The following ZMYND10 variants were observed in gnomAD, a reference collection of about 807,000 sequenced individuals.
The protein encoded by ZMYND10 is zinc finger MYND-type containing 10, also known as zinc finger MYND domain-containing protein 10.
In ZMYND10, 52 loss-of-function variants were observed where a neutral mutation model predicts 62.6. The ratio of observed to expected loss-of-function variants is 0.83; its 90% confidence interval spans 0.67 to 1.05. The LOEUF (loss-of-function observed/expected upper bound fraction) is 1.05, where lower values mean the gene tolerates loss of function less well. Among genes scored for constraint, ZMYND10 ranks in the 50% least tolerant of loss-of-function variants. ZMYND10 has a pLI of 0.00. For missense variants in ZMYND10, 438 were observed against 543.3 expected (o/e 0.81, Z 1.93); for synonymous variants, 197 against 218.5 (o/e 0.90, Z 0.87).
rs1235346764 is a variant in ZMYND10, at chr3:50,343,726, C to T, written c.318+8G>A. 5 of 1,613,968 alleles carry T rather than the reference C, an allele frequency of 3.1e-6. No homozygotes were observed. Among genetic ancestry groups the T allele is most frequent in the African/African-American group, 2.7e-5 (2 of 74,908 alleles). On this transcript the variant is annotated splice_region_variant and intron_variant, in intron 3 of 11. Coordinates refer to ENST00000231749, the MANE Select transcript of ZMYND10 (RefSeq NM_015896.4). ...TGAGAAGAGGTATGAACCAGGGGCCCAGCTCACCACCATGTAGATGGGGAA... is the reference window on the plus strand; with the variant it reads ...TGAGAAGAGGTATGAACCAGGGGCCTAGCTCACCACCATGTAGATGGGGAA...
At chr3:50,344,981 G>C (rs961851971) in intron 2 of ZMYND10, 143 bp downstream of exon 2, 2 of 694,050 alleles carry the variant, frequency 2.9e-6, no homozygotes, top group African/African-American at 3.6e-5. Flanking sequence ...GATACAAAAT[G>C]AAACATGTAA....
rs1255342959 is a variant in ZMYND10 at position 50,341,696 on chromosome 3, C to T, written c.1125G>A (p.Trp375Ter). ...EQDLRLQARRWAETYRLDVLE... is the reference protein window; with the variant it reads ...EQDLRLQARR Reference sequence around the variant, plus strand: ...GCACATCCAGCCTGTAGGTCTCAGCCCACCTGGGGGAAAGTCAGGAAGGTC... The same window carrying T: ...GCACATCCAGCCTGTAGGTCTCAGCTCACCTGGGGGAAAGTCAGGAAGGTC... Residue 375 changes from tryptophan (W) to a stop codon, truncating the protein, a stop_gained, in exon 11 of 12, where the codon TGG becomes TGA. Coordinates refer to ENST00000231749, the MANE Select transcript of ZMYND10 (RefSeq NM_015896.4). LOFTEE classifies it high-confidence loss of function. 6.2e-7 allele frequency: 1 copy of T among 1,614,140 alleles called. No homozygotes were observed. Among genetic ancestry groups the T allele is most frequent in the South Asian group, 1.1e-5 (1 of 91,088 alleles).
chr3:50,345,000 T>A (rs1375450648), intron 2 of ZMYND10, 124 bp downstream of exon 2: 17 of 759,476 alleles, frequency 2.2e-5, no homozygotes, highest in Non-Finnish European at 3.3e-5. Context: ...AACACATTCC[T>A]CTTTGTCCTT....
In ZMYND10 at chr3:50,343,672, C is replaced by A. The variant is rs1703455446; in HGVS notation, c.319-56G>T. On this transcript the variant is annotated intron_variant, in intron 3 of 11. Transcript: ENST00000231749. ...GGAAGGGATAGGGGCTACCAGCTCT[C>A]CTCCCCGGTCCAGAGCCCTCTGAAG... The A allele has an allele frequency of 3.1e-6, 5 of 1,613,734 alleles. No homozygotes were observed. In the Admixed American group the frequency reaches 6.7e-5, roughly 22 times the overall value.
Position 50,342,513 on chromosome 3 carries a change from G to C in ZMYND10, c.757C>G (p.Gln253Glu), listed in dbSNP as rs1189361423. 1 of 1,614,060 alleles carries C rather than the reference G, an allele frequency of 6.2e-7. No homozygotes were observed. Among genetic ancestry groups the C allele is most frequent in the Non-Finnish European group, 8.5e-7 (1 of 1,179,976 alleles). ...TGCCCGTCCAACTTGCTCAGCTTTT[G>C]CTGCTCTGAGGGGGCCACAGTATGC... Reference protein sequence around the residue: ...RWHTVAPSEQQKLSKLDGQVW... With the variant: ...RWHTVAPSEQEKLSKLDGQVW... The change falls in exon 8 of 12, where the codon CAA becomes GAA. Residue 253 changes from glutamine to glutamate, a missense_variant. Coordinates refer to ENST00000231749, the MANE Select transcript of ZMYND10 (RefSeq NM_015896.4).
At position 50,345,259 on chromosome 3, in the gene ZMYND10, G is replaced by T; in HGVS notation, c.93-27C>A. On this transcript the variant is annotated intron_variant, in intron 1 of 11. Transcript: ENST00000231749. This position sits in a 1 kb window ranked among gnomAD's most constrained non-coding sequence, Gnocchi z 5.0. ...TGCCTCAGAGGGTAAGTGCATGTGC[G>T]TCCACGTGTGTGCATTAGGAGTGGG... The T allele has an allele frequency of 6.2e-7, 1 of 1,605,030 alleles. No homozygotes were observed. The highest frequency in any genetic ancestry group is 8.5e-7 in the Non-Finnish European group (1 of 1,174,734).
rs768186112 is a variant in ZMYND10, at chr3:50,341,784, C to T, written c.1121+26G>A. On this transcript the variant is annotated intron_variant, in intron 10 of 11. Transcript: ENST00000231749. The stretch of plus-strand genomic sequence containing the variant: ...CCATGCCTCCTGCATCCCCTCCACC[C>T]TCCCTGCCATTTCCACAGGCCTTAC... 10 of 1,612,344 alleles carry T rather than the reference C, an allele frequency of 6.2e-6. No individual in the cohort carries two copies. In the African/African-American group the frequency reaches 1.2e-4, roughly 19 times the overall value.
In ZMYND10 at chr3:50,342,568, G is replaced by A; in HGVS notation, c.702C>T (p.Gly234=). 6.2e-7 allele frequency: 1 copy of A among 1,611,618 alleles called. No individual in the cohort carries two copies. The highest frequency in any genetic ancestry group is 8.5e-7 in the Non-Finnish European group (1 of 1,178,142). Residue 234 remains glycine (G), a splice_region_variant and synonymous_variant, in exon 8 of 12, where the codon GGC becomes GGT. Transcript: ENST00000231749. Reference sequence around the variant, plus strand: ...GGCTGCCCTCGAACTGCTGCAGCTTGCCTGGGGAGAGGAACCAGCACACTG... The same window carrying A: ...GGCTGCCCTCGAACTGCTGCAGCTTACCTGGGGAGAGGAACCAGCACACTG... The part of the protein sequence containing the change: ...EHSPWSRREG[G]KLQQFEGSRW...
rs963099234 is a variant in ZMYND10 at position 50,341,354 on chromosome 3, T to C, written c.*56A>G. The C allele has an allele frequency of 6.3e-6, 10 of 1,598,876 alleles. No homozygotes were observed. Among genetic ancestry groups the C allele is most frequent in the Non-Finnish European group, 8.5e-7 (1 of 1,170,302 alleles). On this transcript the variant is annotated 3_prime_UTR_variant, in exon 12 of 12. Transcript: ENST00000231749. ...GGACCGTGATCTTGAGGTTCAGGGG[T>C]GCATTCTGGGTGGATTCCCTTGGCA...
chr3:50,342,514 C>A lies in ZMYND10; in HGVS notation c.756G>T (p.Gln252His). 1 of 1,614,144 alleles carries A rather than the reference C, an allele frequency of 6.2e-7. No individual in the cohort carries two copies. The highest frequency in any genetic ancestry group is 1.1e-5 in the South Asian group (1 of 91,084). The change falls in exon 8 of 12, where the codon CAG (glutamine) becomes CAT (histidine). Residue 252 changes from glutamine to histidine, a missense_variant. By Grantham distance (24) the Gln-to-His change is conservative. Coordinates refer to ENST00000231749, the MANE Select transcript of ZMYND10 (RefSeq NM_015896.4). ...GCCCGTCCAACTTGCTCAGCTTTTG[C>A]TGCTCTGAGGGGGCCACAGTATGCC... Reference protein sequence around the residue: ...SRWHTVAPSEQQKLSKLDGQV... With the variant: ...SRWHTVAPSEHQKLSKLDGQV...
intron 7 of ZMYND10, 63 bp from the exon 8 acceptor site, chr3:50,342,632 G>A: frequency 6.4e-7 from 1 of 1,562,604 alleles, no homozygotes; most frequent in East Asian, 2.3e-5. Context: ...AGCCAGCTGT[G>A]GGGGCTGGGA....
chr3:50,345,392 C>T lies in ZMYND10; in HGVS notation c.92+96G>A. ...AACGCTCTGCTCCCCCATTTGGGAG[C>T]CCCTCCACACTGGGCAGCCCCTCCC... On this transcript the variant is annotated intron_variant, in intron 1 of 11. Coordinates refer to ENST00000231749, the MANE Select transcript of ZMYND10 (RefSeq NM_015896.4). This position sits in a 1 kb window ranked among gnomAD's most constrained non-coding sequence, Gnocchi z 5.0. The T allele has an allele frequency of 1.3e-6, 2 of 1,518,954 alleles. No homozygotes were observed. The highest frequency in any genetic ancestry group is 1.4e-5 in the African/African-American group (1 of 72,570). The allele number at this position is 1,518,954 out of a possible 1,614,324, so 94.1% of individuals were successfully genotyped here. A position where few individuals can be genotyped will look rare whatever the true frequency, so the allele number is the denominator to read the frequency against.
chr3:50,341,417 GCT>G lies in ZMYND10; in HGVS notation c.1314_1315del (p.Arg438SerfsTer60), dbSNP rs1390817434. ...CCTCAGCAACTGCAGCCCTCATTTG[GCT>G]CTGTCACCCTGGGCTGCCAGGACAC... is the stretch of plus-strand genomic sequence containing the variant. On this transcript the variant is annotated frameshift_variant, in exon 12 of 12. Coordinates refer to ENST00000231749, the MANE Select transcript of ZMYND10 (RefSeq NM_015896.4). LOFTEE classifies it high-confidence loss of function. 6.2e-7 allele frequency: 1 copy of G among 1,613,994 alleles called. No individual in the cohort carries two copies. Among genetic ancestry groups the G allele is most frequent in the Non-Finnish European group, 8.5e-7 (1 of 1,180,032 alleles).
At chr3:50,343,683 C>G in intron 3 of ZMYND10, 51 bp downstream of exon 3, 1 of 1,613,806 alleles carries the variant, frequency 6.2e-7, no homozygotes, top group Non-Finnish European at 8.5e-7. Context: ...CTCCCCGGTC[C>G]AGAGCCCTCT....
In ZMYND10 at chr3:50,341,836, C is replaced by T. The variant is rs769627260; in HGVS notation, c.1095G>A (p.Glu365=). ...TTCGCGCCTGCAGCCGCAGGTCCTG[C>T]TCTGAGGGGCTGAACACATGCTGGA... is the stretch of plus-strand genomic sequence containing the variant. ...HQLQHVFSPS[E]QDLRLQARRW... Residue 365 remains glutamate (E), a synonymous_variant, in exon 10 of 12, where the codon GAG becomes GAA. Coordinates refer to ENST00000231749, the MANE Select transcript of ZMYND10 (RefSeq NM_015896.4). 5.6e-6 allele frequency: 9 copies of T among 1,614,044 alleles called. No individual in the cohort carries two copies. The South Asian group carries it at 6.6e-5, about 12-fold the overall frequency.
intron 7 of ZMYND10, 103 bp from the exon 8 acceptor site, chr3:50,342,672 C>A (rs1198481578): frequency 6.6e-7 from 1 of 1,506,208 alleles, no homozygotes; most frequent in Non-Finnish European, 8.9e-7. Context: ...ATGGGAGAAC[C>A]TGGGCTGCAG....
Position 50,343,258 on chromosome 3 carries a change from T to G in ZMYND10, c.510+49A>C, listed in dbSNP as rs764347934. ...GGGCCACCCTCACCTGCGCAGGCCT[T>G]GGGGAACCCAGACCTAGGCTTTCAC... On this transcript the variant is annotated intron_variant, in intron 5 of 11. Transcript: ENST00000231749. The G allele has an allele frequency of 2.5e-6, 4 of 1,613,718 alleles. No homozygotes were observed. The African/African-American group carries it at 5.3e-5, about 22-fold the overall frequency.
At chr3:50,342,854 C>T (rs1366225375) in intron 7 of ZMYND10, 64 bp downstream of exon 7, 4 of 1,573,312 alleles carry the variant, frequency 2.5e-6, no homozygotes, top group Non-Finnish European at 3.5e-6. Flanking sequence ...AAGCTGCCCC[C>T]CTCTATCAAA....
At chr3:50,343,680 G>C (rs958731515) in intron 3 of ZMYND10, 54 bp downstream of exon 3, 1 of 1,613,714 alleles carries the variant, frequency 6.2e-7, no homozygotes, top group Non-Finnish European at 8.5e-7. Context: ...CTCCTCCCCG[G>C]TCCAGAGCCC....
Sources: allele counts gnomAD v4.1 joint callset, GRCh38; gene constraint gnomAD v4.1.1; non-coding constraint Gnocchi (gnomAD v3.1); transcripts MANE v1.5; gene names NCBI Gene and HGNC (gene_info 2026-07-23, HGNC 2026-07-21).